Variants in NDP observed in about 807,000 individuals in gnomAD.
NDP encodes norrin.
Under a neutral mutation model 8.4 loss-of-function variants are expected in NDP, and 2 were observed. The observed-to-expected ratio is 0.24, with a 90% CI of 0.10 to 0.75. The LOEUF (loss-of-function observed/expected upper bound fraction) is 0.75, where lower values mean the gene tolerates loss of function less well. Ranked by LOEUF, NDP falls within the 30% of genes least tolerant of loss-of-function variation. The pLI is 0.73. For synonymous variants in NDP, 55 were observed against 45.6 expected (o/e 1.21, Z -0.83); for missense variants, 81 against 110.1 (o/e 0.74, Z 1.18).
In NDP at chrX:43,958,458, G is replaced by C; in HGVS notation, c.174+14C>G. On this transcript the variant is annotated intron_variant, in intron 2 of 2. Coordinates refer to ENST00000642620, the MANE Select transcript of NDP (RefSeq NM_000266.4). ...CTGAGGGAAATGCTCTCCTCACAGA[G>C]ACCTTGGTCTTACCTTTGAGCTACA... The C allele has an allele frequency of 1.7e-6, 2 of 1,207,584 alleles. No homozygotes were observed. Among genetic ancestry groups the C allele is most frequent in the South Asian group, 1.8e-5 (1 of 56,897 alleles).
intron 1 of NDP, among the ~76,000 whole-genome samples, chrX:43,963,431 A>C (rs1452514036): frequency 8.9e-6 from 1 of 112,003 alleles, no homozygotes; most frequent in East Asian, 2.8e-4. Flanking sequence ...CAAGTTAAGC[A>C]AATAAAATAT....
At chrX:43,962,633 T>C (rs2035832818) in intron 1 of NDP, among the ~76,000 whole-genome samples, 1 of 112,067 alleles carries the variant, frequency 8.9e-6, no homozygotes, top group Non-Finnish European at 1.9e-5. Context: ...ACTTAGAACC[T>C]TGGCCCAGGC....
chrX:43,971,495 C>G (rs761056696), intron 1 of NDP, among the ~76,000 whole-genome samples: 3 of 111,484 alleles, frequency 2.7e-5, no homozygotes, highest in Non-Finnish European at 5.6e-5. Flanking sequence ...ACATTTCCAT[C>G]TGTGGGTGTC....
chrX:43,971,685 G>GT (rs767333413), intron 1 of NDP, among the ~76,000 whole-genome samples: 70 of 111,599 alleles, frequency 6.3e-4, no homozygotes, highest in South Asian at 4.1e-3. Flanking sequence ...GCTAACCGCA[G>GT]TTTTTTTAAA....
At chrX:43,951,598 T>C (rs1483417118) in intron 2 of NDP, among the ~76,000 whole-genome samples, 2 of 111,880 alleles carry the variant, frequency 1.8e-5, no homozygotes, top group Non-Finnish European at 3.8e-5. Context: ...CCAGCTATTA[T>C]CTCTGACATC....
intron 1 of NDP, among the ~76,000 whole-genome samples, chrX:43,960,313 G>A (rs916755199): frequency 2.7e-5 from 3 of 111,620 alleles, no homozygotes; most frequent in African/African-American, 9.8e-5. Flanking sequence ...TAGAGGGAAG[G>A]AGTTGACAGA....
intron 1 of NDP, among the ~76,000 whole-genome samples, chrX:43,960,328 G>T (rs183317813): frequency 8.5e-4 from 95 of 111,450 alleles, no homozygotes; most frequent in African/African-American, 2.8e-3. Context: ...GACAGAGATG[G>T]CATCTGCTGT....
intron 2 of NDP, among the ~76,000 whole-genome samples, chrX:43,953,058 T>C (rs1569244549): frequency 9.1e-6 from 1 of 110,022 alleles, no homozygotes; most frequent in Non-Finnish European, 1.9e-5. Context: ...CTATTCTCTG[T>C]AGCCAAATTC....
intron 2 of NDP, among the ~76,000 whole-genome samples, chrX:43,950,847 T>G (rs2035757317): frequency 8.9e-6 from 1 of 111,777 alleles, no homozygotes; most frequent in Non-Finnish European, 1.9e-5. Context: ...TGATGAAAAC[T>G]ACCAAAGTTA....
rs1341241903 is a variant in NDP at position 43,958,458 on chromosome X, G to A, written c.174+14C>T. Reference sequence around the variant, plus strand: ...CTGAGGGAAATGCTCTCCTCACAGAGACCTTGGTCTTACCTTTGAGCTACA... The same window carrying A: ...CTGAGGGAAATGCTCTCCTCACAGAAACCTTGGTCTTACCTTTGAGCTACA... On this transcript the variant is annotated intron_variant, in intron 2 of 2. Transcript: ENST00000642620. The A allele has an allele frequency of 4.1e-6, 5 of 1,207,584 alleles. No individual in the cohort carries two copies. Among genetic ancestry groups the A allele is most frequent in the Non-Finnish European group, 5.6e-6 (5 of 891,559 alleles).
chrX:43,951,860 C>T (rs1029920194), intron 2 of NDP, among the ~76,000 whole-genome samples: 13 of 111,801 alleles, frequency 1.2e-4, no homozygotes, highest in African/African-American at 3.9e-4. Flanking sequence ...TCTGAATGAT[C>T]GCAGAGGCAG....
intron 1 of NDP, among the ~76,000 whole-genome samples, chrX:43,964,242 G>A (rs1030988886): frequency 8.9e-6 from 1 of 111,773 alleles, no homozygotes; most frequent in African/African-American, 3.3e-5. Flanking sequence ...GCTCAGCAGT[G>A]GGGGTGATGG....
intron 1 of NDP, among the ~76,000 whole-genome samples, chrX:43,967,835 T>C (rs2035867192): frequency 9.0e-6 from 1 of 111,337 alleles, no homozygotes; most frequent in South Asian, 3.8e-4. Flanking sequence ...GCCCTTTCAT[T>C]TTTAAAGGAT....
chrX:43,967,964 A>G (rs778599729), intron 1 of NDP, among the ~76,000 whole-genome samples: 18 of 111,849 alleles, frequency 1.6e-4, no homozygotes, highest in Middle Eastern at 4.6e-3. Context: ...AAAAAAGAAA[A>G]GACAAAAATG....
chrX:43,951,415 AAAAAG>A (rs1426435890), intron 2 of NDP, among the ~76,000 whole-genome samples: 1 of 111,112 alleles, frequency 9.0e-6, no homozygotes, highest in African/African-American at 3.3e-5. Flanking sequence ...GCCCTGTCTC[AAAAAG>A]AAAAGAAAAG....
chrX:43,967,223 C>T (rs2035862821), intron 1 of NDP, among the ~76,000 whole-genome samples: 1 of 110,977 alleles, frequency 9.0e-6, no homozygotes, highest in Non-Finnish European at 1.9e-5. Context: ...GATTCCACAT[C>T]TCAAAAGAAA....
At chrX:43,972,865 C>A (rs965207873) in intron 1 of NDP, among the ~76,000 whole-genome samples, 1 of 112,609 alleles carries the variant, frequency 8.9e-6, no homozygotes, top group Admixed American at 9.3e-5. Context: ...GTAAACAGTG[C>A]GCTTTTAAAC....
At chrX:43,959,002 C>G (rs1401135151) in intron 1 of NDP, 150 bp from the exon 2 acceptor site, 2 of 259,568 alleles carry the variant, frequency 7.7e-6, no homozygotes, top group African/African-American at 5.5e-5. Context: ...GTCATCCATT[C>G]CACCCCAACT....
intron 2 of NDP, 186 bp from the exon 3 acceptor site, chrX:43,950,212 C>G: frequency 2.2e-6 from 1 of 459,261 alleles, no homozygotes; most frequent in East Asian, 3.7e-5. Flanking sequence ...GAATTAAAAT[C>G]CTTGGAGATA....
Sources: gnomAD v4.1 joint callset for allele counts (sites outside exome capture counted in the v4.1 genomes callset) on GRCh38, gnomAD v4.1.1 for gene constraint, MANE v1.5 for transcripts, NCBI Gene and HGNC (gene_info 2026-07-23, HGNC 2026-07-21) for gene names.